Variants in MYO3B observed in about 807,000 individuals in gnomAD.
MYO3B encodes the protein myosin IIIB.
MYO3B carries 156 observed loss-of-function variants against 174.6 expected under a neutral mutation model. The ratio of observed to expected loss-of-function variants is 0.89; its 90% CI spans 0.78 to 1.02. The LOEUF (loss-of-function observed/expected upper bound fraction) is 1.02. MYO3B is among the 50% of genes least tolerant of loss of function. MYO3B has a pLI of 0.00. For missense variants in MYO3B, 1,632 were observed against 1,639.4 expected (o/e 1.00, Z 0.08); for synonymous variants, 563 against 569.1 (o/e 0.99, Z 0.15).
intron 5 of MYO3B, among the ~76,000 whole-genome samples, chr2:170,216,979 A>G (rs1418854409): frequency 6.6e-6 from 1 of 151,746 alleles, no homozygotes; most frequent in Non-Finnish European, 1.5e-5. Context: ...AATATGACCT[A>G]CCTCCTATTT....
chr2:170,330,800 A>G (rs780800562), intron 7 of MYO3B, among the ~76,000 whole-genome samples: 1 of 151,980 alleles, frequency 6.6e-6, no homozygotes, highest in Non-Finnish European at 1.5e-5. Context: ...TCAAGTCAAT[A>G]CTCCTTTATT....
intron 3 of MYO3B, among the ~76,000 whole-genome samples, chr2:170,208,590 T>C (rs1332637314): frequency 6.6e-6 from 1 of 152,228 alleles, no homozygotes; most frequent in African/African-American, 2.4e-5. Flanking sequence ...AGCTGGAGAT[T>C]CCTGGTTGGT....
intron 25 of MYO3B, among the ~76,000 whole-genome samples, chr2:170,493,731 C>CT (rs1559054123): frequency 6.6e-6 from 1 of 152,216 alleles, no homozygotes; most frequent in Non-Finnish European, 1.5e-5. Context: ...CTTTCTCTCC[C>CT]TCTCTGCCCC....
intron 6 of MYO3B, among the ~76,000 whole-genome samples, chr2:170,218,596 G>A (rs140432727): frequency 1.3e-5 from 2 of 152,224 alleles, no homozygotes; most frequent in East Asian, 1.9e-4. Flanking sequence ...CGTACCATGC[G>A]GCTACTCAGT....
intron 7 of MYO3B, among the ~76,000 whole-genome samples, chr2:170,299,751 A>G (rs2093653545): frequency 6.6e-6 from 1 of 152,242 alleles, no homozygotes; most frequent in African/African-American, 2.4e-5. Context: ...GTATAAATGG[A>G]AATAAACCCA....
chr2:170,378,267 A>T (rs1313667932), intron 9 of MYO3B, among the ~76,000 whole-genome samples: 1 of 152,184 alleles, frequency 6.6e-6, no homozygotes, highest in Non-Finnish European at 1.5e-5. Context: ...GAGGAAAGTT[A>T]AGCGGGCAGC....
At chr2:170,232,376 T>A (rs2093024623) in intron 6 of MYO3B, among the ~76,000 whole-genome samples, 1 of 152,218 alleles carries the variant, frequency 6.6e-6, no homozygotes, top group Non-Finnish European at 1.5e-5. Flanking sequence ...TTAACTCTCA[T>A]CGTATGTGTA....
rs77194444 is a variant in MYO3B at position 170,341,622 on chromosome 2, C to G, written c.815+6172C>G. On this transcript the variant is annotated intron_variant, in intron 8 of 34. Transcript: ENST00000408978. ...CAGGGAATTAGTGAATTAATAAAAA[C>G]TCATGGAGAAGCTCAAAATTAACAC... 4.4e-3 allele frequency among the ~76,000 whole-genome samples: 674 copies of G among 152,250 alleles called. 7 individuals carry two copies. The highest frequency in any genetic ancestry group is 0.015 in the African/African-American group (635 of 41,544).
intron 7 of MYO3B, among the ~76,000 whole-genome samples, chr2:170,305,999 T>C (rs1156469725): frequency 6.6e-6 from 1 of 152,198 alleles, no homozygotes; most frequent in Non-Finnish European, 1.5e-5. Flanking sequence ...TTACATGATA[T>C]GAACTGGGGT....
chr2:170,484,599 C>T (rs1559045993), intron 25 of MYO3B, among the ~76,000 whole-genome samples: 1 of 152,158 alleles, frequency 6.6e-6, no homozygotes, highest in Non-Finnish European at 1.5e-5. Context: ...ATGCTAAGTG[C>T]TATCTATAGT....
intron 32 of MYO3B, among the ~76,000 whole-genome samples, chr2:170,636,770 T>C (rs1027573707): frequency 6.6e-6 from 1 of 152,164 alleles, no homozygotes; most frequent in Admixed American, 6.5e-5. Flanking sequence ...TTTCTGATTG[T>C]TAATATTTTA....
chr2:170,331,720 A>G (rs531692662), intron 7 of MYO3B, among the ~76,000 whole-genome samples: 29 of 152,342 alleles, frequency 1.9e-4, no homozygotes, highest in African/African-American at 7.0e-4. Context: ...GGTTATTAGC[A>G]GAATTCATTT....
At chr2:170,645,468 C>CAAAAAAAA (rs55720994) in intron 32 of MYO3B, among the ~76,000 whole-genome samples, 1 of 66,412 alleles carries the variant, frequency 1.5e-5, no homozygotes, top group Non-Finnish European at 3.0e-5. Flanking sequence ...GGCTCCGTCT[C>CAAAAAAAA]AAAAAAAAAA....
chr2:170,419,103 T>C (rs1043693290), intron 22 of MYO3B, among the ~76,000 whole-genome samples: 18 of 152,102 alleles, frequency 1.2e-4, no homozygotes, highest in African/African-American at 4.3e-4. Context: ...ACTGTGAGAG[T>C]TGAGCTCAAG....
chr2:170,407,796 G>T lies in MYO3B; in HGVS notation c.2602G>T (p.Glu868Ter). ...TGTGGTTGTGGTCCTGAGAACGTCAGAAAACAAGCTTCTTCAGCAGCTCTT... is the reference window on the plus strand; with the variant it reads ...TGTGGTTGTGGTCCTGAGAACGTCATAAAACAAGCTTCTTCAGCAGCTCTT... ...ADVVVVLRTS[E>*]NKLLQQLFSI... The change falls in exon 22 of 35, where the codon GAA becomes TAA. Residue 868 changes from glutamate (E) to a stop codon, truncating the protein, a stop_gained. Coordinates refer to ENST00000408978, the MANE Select transcript of MYO3B (RefSeq NM_138995.5). LOFTEE classifies it high-confidence loss of function. 1 of 1,614,094 alleles carries T rather than the reference G, an allele frequency of 6.2e-7. No individual in the cohort carries two copies. Among genetic ancestry groups the T allele is most frequent in the African/African-American group, 1.3e-5 (1 of 75,034 alleles).
intron 23 of MYO3B, among the ~76,000 whole-genome samples, chr2:170,449,116 G>A (rs1478980129): frequency 6.6e-6 from 1 of 152,130 alleles, no homozygotes; most frequent in East Asian, 1.9e-4. Flanking sequence ...TGGTGCTCCT[G>A]GGCCTGTCAG....
chr2:170,436,054 C>G (rs1005515137), intron 22 of MYO3B, among the ~76,000 whole-genome samples: 4 of 152,194 alleles, frequency 2.6e-5, no homozygotes, highest in Non-Finnish European at 4.4e-5. Context: ...AAGTTGGAAG[C>G]AGGGAAATTG....
chr2:170,403,347 G>C (rs984614416), intron 19 of MYO3B, among the ~76,000 whole-genome samples: 3 of 152,100 alleles, frequency 2.0e-5, no homozygotes, highest in African/African-American at 7.2e-5. Flanking sequence ...CGGGACATAG[G>C]TTCTTAACTG....
chr2:170,375,233 A>G (rs1220934171), intron 9 of MYO3B, among the ~76,000 whole-genome samples: 1 of 152,164 alleles, frequency 6.6e-6, no homozygotes, highest in Non-Finnish European at 1.5e-5. Flanking sequence ...CTCACTGTTA[A>G]AGTTCAGAGA....
Sources: gnomAD v4.1 joint callset for allele counts (sites outside exome capture counted in the v4.1 genomes callset) on GRCh38, gnomAD v4.1.1 for gene constraint, MANE v1.5 for transcripts, NCBI Gene and HGNC (gene_info 2026-07-23, HGNC 2026-07-21) for gene names.